The following CUL1 variants were observed in gnomAD, a reference collection of about 807,000 sequenced individuals.
CUL1 encodes the protein cullin 1.
Under a neutral mutation model 118.0 loss-of-function variants are expected in CUL1, and 24 were observed. The ratio of observed to expected loss-of-function variants is 0.20; its 90% CI spans 0.15 to 0.29. CUL1 has a LOEUF of 0.29. Ranked by LOEUF, CUL1 falls within the 10% of genes least tolerant of loss-of-function variation. The pLI, the probability that CUL1 is intolerant of heterozygous loss-of-function variation, is 1.00. For synonymous variants in CUL1, 332 were observed against 340.4 expected (o/e 0.98, Z 0.27); for missense variants, 361 against 933.8 (o/e 0.39, Z 7.99).
intron 16 of CUL1, among the ~76,000 whole-genome samples, chr7:148,790,879 G>T (rs1800980245): frequency 6.6e-6 from 1 of 152,162 alleles, no homozygotes; most frequent in Non-Finnish European, 1.5e-5. Context: ...CAACAATATT[G>T]AGTACAACCT....
intron 9 of CUL1, among the ~76,000 whole-genome samples, chr7:148,780,216 G>A (rs1436451527): frequency 6.6e-6 from 1 of 152,224 alleles, no homozygotes; most frequent in Non-Finnish European, 1.5e-5. Flanking sequence ...GGTTCAGATA[G>A]TGATAGTGGC....
At position 148,759,250 on chromosome 7, in the gene CUL1, A is replaced by G. The variant is rs140162466; in HGVS notation, c.484-54A>G. ...GATTTAGGTTATTTCCTATGACTTC[A>G]ATCTTGGAAAAACATGGTAAAAGTA... is the stretch of plus-strand genomic sequence containing the variant. On this transcript the variant is annotated intron_variant, in intron 4 of 21. Coordinates refer to ENST00000325222, the MANE Select transcript of CUL1 (RefSeq NM_003592.3). The G allele has an allele frequency of 2.1e-4, 321 of 1,528,956 alleles. No homozygotes were observed. The African/African-American group carries it at 3.9e-3, about 18-fold the overall frequency. The allele number at this position is 1,528,956 out of a possible 1,614,324, so 94.7% of individuals were successfully genotyped here. A position where few individuals can be genotyped will look rare whatever the true frequency, so the allele number is the denominator to read the frequency against.
chr7:148,800,268 G>A lies in CUL1; in HGVS notation c.2251-234G>A, dbSNP rs561068358. ...AGCACCTGACTCCAGTTCCTAGGGC[G>A]GGTGCAGGAGGGACTCGGAGTCACC... On this transcript the variant is annotated intron_variant, in intron 21 of 21. Coordinates refer to ENST00000325222, the MANE Select transcript of CUL1 (RefSeq NM_003592.3). This position sits in a 1 kb window ranked among gnomAD's most constrained non-coding sequence, Gnocchi z 4.6. Among the ~76,000 whole-genome samples the A allele has an allele frequency of 2.0e-5, 3 of 152,314 alleles. No individual in the cohort carries two copies. The highest frequency in any genetic ancestry group is 2.1e-4 in the South Asian group (1 of 4,826).
intron 2 of CUL1, among the ~76,000 whole-genome samples, chr7:148,732,022 G>T (rs191229386): frequency 3.6e-4 from 55 of 152,298 alleles, no homozygotes; most frequent in Admixed American, 8.5e-4. Context: ...GGTCTCCAGG[G>T]TGTGTATGTA....
Position 148,744,599 on chromosome 7 carries a change from T to C in CUL1, c.141-9377T>C, listed in dbSNP as rs189167262. Among the ~76,000 whole-genome samples, 525 of 152,290 alleles carry C rather than the reference T, an allele frequency of 3.4e-3. 3 individuals carry two copies. The highest frequency in any genetic ancestry group is 0.012 in the South Asian group (60 of 4,824). Reference sequence around the variant, plus strand: ...GTATCGCTCTCCTTTATATTACCTCTACATATGTTTTTAAACCCACAAGAC... The same window carrying C: ...GTATCGCTCTCCTTTATATTACCTCCACATATGTTTTTAAACCCACAAGAC... On this transcript the variant is annotated intron_variant, in intron 2 of 21. Transcript: ENST00000325222.
At chr7:148,798,094 AT>A in intron 19 of CUL1, 75 bp downstream of exon 19, 1 of 853,812 alleles carries the variant, frequency 1.2e-6, no homozygotes, top group Non-Finnish European at 1.9e-6. Context: ...GGATCTCAGT[AT>A]TGTTACAAAC....
chr7:148,780,984 C>T (rs879101366), intron 9 of CUL1, among the ~76,000 whole-genome samples: 1 of 151,542 alleles, frequency 6.6e-6, no homozygotes, highest in African/African-American at 2.4e-5. Context: ...AAATTCTCTC[C>T]CGTATATTAT....
At chr7:148,729,070 CTG>C (rs1798674202) in intron 1 of CUL1, among the ~76,000 whole-genome samples, 1 of 152,146 alleles carries the variant, frequency 6.6e-6, no homozygotes, top group Non-Finnish European at 1.5e-5. Context: ...TAAATTATGT[CTG>C]TGATACTGTG....
chr7:148,711,517 A>G (rs969412349), intron 1 of CUL1, among the ~76,000 whole-genome samples: 4 of 152,222 alleles, frequency 2.6e-5, no homozygotes, highest in Non-Finnish European at 5.9e-5. Context: ...TCTTTAAAAC[A>G]AAAAACATAA....
chr7:148,774,975 T>G (rs1002815035), intron 9 of CUL1, among the ~76,000 whole-genome samples: 15 of 152,308 alleles, frequency 9.8e-5, no homozygotes, highest in African/African-American at 3.6e-4. Flanking sequence ...AGAAATTAGG[T>G]AGCTCCGGCA....
In CUL1 at chr7:148,800,957, C is replaced by A. The variant is rs1801368431; in HGVS notation, c.*375C>A. 5.8e-6 allele frequency: 1 copy of A among 173,270 alleles called. No homozygotes were observed. Among genetic ancestry groups the A allele is most frequent in the Admixed American group, 6.1e-5 (1 of 16,362 alleles). 10.7% of individuals were successfully genotyped at this position (173,270 alleles called of 1,614,324 possible). A position where few individuals can be genotyped will look rare whatever the true frequency, so the allele number is the denominator to read the frequency against. ...CAAGTCTGAGTGGACCCACATGTAACCTGCTATGAAAACCATTTGTATAGT... is the reference window on the plus strand; with the variant it reads ...CAAGTCTGAGTGGACCCACATGTAAACTGCTATGAAAACCATTTGTATAGT... On this transcript the variant is annotated 3_prime_UTR_variant, in exon 22 of 22. Transcript: ENST00000325222. The surrounding 1 kb of genome is among the most constrained non-coding windows in gnomAD (Gnocchi z 4.6).
intron 4 of CUL1, among the ~76,000 whole-genome samples, chr7:148,757,807 C>T (rs1036590917): frequency 3.9e-5 from 6 of 152,096 alleles, no homozygotes; most frequent in East Asian, 1.9e-4. Context: ...TCTTAGATGG[C>T]GGCAGGCAAG....
rs1018364846 is a variant in CUL1 at position 148,730,033 on chromosome 7, G to T, written c.-90G>T. On this transcript the variant is annotated 5_prime_UTR_variant, in exon 2 of 22. Transcript: ENST00000325222. ...TTCTGAGCTGCTGTGAATAAATTTG[G>T]AATGGTACTGTATATTTTCATCTAA... 61 of 1,395,756 alleles carry T rather than the reference G, an allele frequency of 4.4e-5. No individual in the cohort carries two copies. Among genetic ancestry groups the T allele is most frequent in the Non-Finnish European group, 5.6e-5 (58 of 1,032,968 alleles). The allele number at this position is 1,395,756 out of a possible 1,614,324, so 86.5% of individuals were successfully genotyped here.
chr7:148,714,847 C>T (rs1798163594), intron 1 of CUL1, among the ~76,000 whole-genome samples: 1 of 152,092 alleles, frequency 6.6e-6, no homozygotes, highest in South Asian at 2.1e-4. Context: ...GAGACTTCTG[C>T]TGTAAGTAAG....
chr7:148,699,980 T>C (rs184293385), intron 1 of CUL1, among the ~76,000 whole-genome samples: 1 of 151,688 alleles, frequency 6.6e-6, no homozygotes, highest in African/African-American at 2.4e-5. Context: ...AGCGCAGACA[T>C]AAGATAAGAA....
chr7:148,736,333 C>A (rs1362115589), intron 2 of CUL1, among the ~76,000 whole-genome samples: 1 of 152,192 alleles, frequency 6.6e-6, no homozygotes, highest in African/African-American at 2.4e-5. Flanking sequence ...GAGTCTTGCC[C>A]TTTCACCTAG....
chr7:148,703,718 G>T (rs570399079), intron 1 of CUL1, among the ~76,000 whole-genome samples: 2 of 151,674 alleles, frequency 1.3e-5, no homozygotes, highest in East Asian at 3.9e-4. Context: ...TTTTTAGTAG[G>T]GACGGGGTTT....
intron 1 of CUL1, among the ~76,000 whole-genome samples, chr7:148,723,042 T>C (rs555841027): frequency 2.0e-5 from 3 of 152,346 alleles, no homozygotes; most frequent in Non-Finnish European, 4.4e-5. Context: ...TTTGAAACAG[T>C]GTTGGCTTGT....
At chr7:148,733,968 C>G (rs1798855440) in intron 2 of CUL1, among the ~76,000 whole-genome samples, 1 of 149,878 alleles carries the variant, frequency 6.7e-6, no homozygotes. Flanking sequence ...TATTATACAG[C>G]ATAAATATTT....
Sources: gnomAD v4.1 joint callset for allele counts (sites outside exome capture counted in the v4.1 genomes callset) on GRCh38, gnomAD v4.1.1 for gene constraint, Gnocchi (gnomAD v3.1) non-coding constraint, MANE v1.5 for transcripts, NCBI Gene and HGNC (gene_info 2026-07-23, HGNC 2026-07-21) for gene names.